The following TANC2 variants were observed in gnomAD, a reference collection of about 807,000 sequenced individuals.
TANC2 encodes the protein tetratricopeptide repeat, ankyrin repeat and coiled-coil containing 2.
A neutral mutation model predicts 210.5 loss-of-function variants in TANC2; 26 were observed. That is an observed-to-expected ratio of 0.12 (90% CI 0.09 to 0.17). The LOEUF is 0.17. TANC2 is among the 10% of genes least tolerant of loss of function. The probability of loss-of-function intolerance (pLI) is 1.00; values close to 1 mark genes in which losing one functional copy is unlikely to be tolerated. For synonymous variants in TANC2, 931 were observed against 967.1 expected, an observed-to-expected ratio of 0.96 and a Z score of 0.69; for missense variants, 2,129 against 2,608.9, an observed-to-expected ratio of 0.82 and a Z score of 4.01.
At chr17:63,277,553 G>C (rs929590988) in intron 9 of TANC2, among the ~76,000 whole-genome samples, 2 of 151,644 alleles carry the variant, frequency 1.3e-5, no homozygotes, top group African/African-American at 4.8e-5. Flanking sequence ...TGTTCAGTTA[G>C]TGTGCAGGAA....
chr17:63,200,890 G>A (rs758379913), exon 7 of TANC2: 4 of 1,613,758 alleles, frequency 2.5e-6, no homozygotes, highest in Non-Finnish European at 3.4e-6. Flanking sequence ...CAACTGCCAA[G>A]GACTGCAGCT....
chr17:63,086,328 A>G (rs1316772747), intron 3 of TANC2, among the ~76,000 whole-genome samples: 1 of 151,998 alleles, frequency 6.6e-6, no homozygotes, highest in East Asian at 1.9e-4. Flanking sequence ...TTCTTCTGTT[A>G]TTCCCATTAT....
At chr17:63,029,447 A>G (rs2034679087) in intron 2 of TANC2, among the ~76,000 whole-genome samples, 1 of 11,070 alleles carries the variant, frequency 9.0e-5, no homozygotes, top group Non-Finnish European at 2.0e-4. Context: ...TTTCTGAGAA[A>G]GTCATAATTA....
At chr17:63,178,420 C>CA (rs1158829689) in intron 5 of TANC2, among the ~76,000 whole-genome samples, 1 of 152,174 alleles carries the variant, frequency 6.6e-6, no homozygotes, top group African/African-American at 2.4e-5. Flanking sequence ...CATTGATTCT[C>CA]ACAGCTAGGA....
At chr17:63,387,794 A>C (rs1004860971) in intron 15 of TANC2, among the ~76,000 whole-genome samples, 8 of 152,232 alleles carry the variant, frequency 5.3e-5, no homozygotes, top group African/African-American at 1.7e-4. Flanking sequence ...ATATTAGTAC[A>C]TGTCGTGGGA....
intron 8 of TANC2, among the ~76,000 whole-genome samples, chr17:63,255,429 C>T (rs1362480595): frequency 2.6e-5 from 4 of 152,078 alleles, no homozygotes; most frequent in East Asian, 1.9e-4. Context: ...TAGAATCCAG[C>T]GGTGATGCCA....
chr17:63,081,359 G>A (rs745399801), intron 3 of TANC2, among the ~76,000 whole-genome samples: 1 of 152,082 alleles, frequency 6.6e-6, no homozygotes, highest in Non-Finnish European at 1.5e-5. Context: ...ATTTAAAAAG[G>A]ATATGTTAAG....
At chr17:63,237,972 A>G (rs1459446240) in exon 8 of TANC2, 3 of 1,585,698 alleles carry the variant, frequency 1.9e-6, no homozygotes, top group Admixed American at 3.6e-5. Flanking sequence ...GACTGCTTCC[A>G]CCTATAGTCT....
intron 4 of TANC2, among the ~76,000 whole-genome samples, chr17:63,108,580 G>A (rs548179873): frequency 6.6e-6 from 1 of 151,872 alleles, no homozygotes; most frequent in South Asian, 2.1e-4. Flanking sequence ...GGGAGGCCGA[G>A]GCGGGCAGAT....
chr17:63,169,849 A>T (rs900936770), intron 5 of TANC2, among the ~76,000 whole-genome samples: 12 of 151,964 alleles, frequency 7.9e-5, no homozygotes, highest in Admixed American at 4.6e-4. Flanking sequence ...TTAAAAATTT[A>T]TGGCAGGTGC....
At chr17:63,020,943 A>G (rs1017858863) in intron 2 of TANC2, among the ~76,000 whole-genome samples, 3 of 152,016 alleles carry the variant, frequency 2.0e-5, no homozygotes, top group African/African-American at 7.2e-5. Flanking sequence ...GAGCTCTTTA[A>G]AACAACCAGC....
chr17:63,138,869 G>A (rs1250485909), intron 4 of TANC2, among the ~76,000 whole-genome samples: 1 of 152,168 alleles, frequency 6.6e-6, no homozygotes, highest in South Asian at 2.1e-4. Flanking sequence ...TCTAAGTTAC[G>A]AAGCTGCATT....
At chr17:63,025,652 T>C (rs1473046128) in intron 2 of TANC2, among the ~76,000 whole-genome samples, 1 of 151,588 alleles carries the variant, frequency 6.6e-6, no homozygotes, top group Non-Finnish European at 1.5e-5. Flanking sequence ...AAAAATTAGC[T>C]GAGTGTGGTG....
At chr17:63,047,074 T>G (rs1420600739) in intron 2 of TANC2, among the ~76,000 whole-genome samples, 1 of 152,214 alleles carries the variant, frequency 6.6e-6, no homozygotes, top group African/African-American at 2.4e-5. Context: ...TAATATCTTT[T>G]GAAATTTTTA....
intron 17 of TANC2, among the ~76,000 whole-genome samples, chr17:63,392,715 G>A (rs376908812): frequency 3.3e-5 from 5 of 152,118 alleles, no homozygotes; most frequent in South Asian, 2.1e-4. Context: ...AATGATACAC[G>A]TTTGAGGTGA....
intron 8 of TANC2, among the ~76,000 whole-genome samples, chr17:63,252,543 G>A (rs905389178): frequency 2.0e-5 from 3 of 150,786 alleles, no homozygotes; most frequent in African/African-American, 7.3e-5. Context: ...CCACCCCAGC[G>A]ACCCTTCCCA....
chr17:63,316,487 G>C (rs978399032), intron 10 of TANC2, among the ~76,000 whole-genome samples: 2 of 152,160 alleles, frequency 1.3e-5, no homozygotes, highest in Admixed American at 1.3e-4. Context: ...ACTCCCCAAA[G>C]CAGAGATTCT....
intron 9 of TANC2, among the ~76,000 whole-genome samples, chr17:63,287,309 A>G (rs1324883229): frequency 2.0e-5 from 3 of 152,176 alleles, no homozygotes; most frequent in African/African-American, 7.2e-5. Context: ...CCTTTTGAGC[A>G]TATTTAATAC....
At chr17:63,163,057 G>C (rs181261382) in intron 5 of TANC2, among the ~76,000 whole-genome samples, 1 of 151,642 alleles carries the variant, frequency 6.6e-6, no homozygotes, top group Non-Finnish European at 1.5e-5. Context: ...GGAGTTGAGG[G>C]TATTTGCAAA....
Sources: allele counts gnomAD v4.1 joint callset (sites outside exome capture counted in the v4.1 genomes callset), GRCh38; gene constraint gnomAD v4.1.1; transcripts MANE v1.5; gene names NCBI Gene and HGNC (gene_info 2026-07-23, HGNC 2026-07-21).